TOPAZ1: variants seen among roughly 807,000 people sequenced by gnomAD.
TOPAZ1 encodes the protein protein TOPAZ1.
TOPAZ1 carries 66 observed loss-of-function variants against 172.2 expected under a neutral mutation model. The observed-to-expected ratio is 0.38, with a 90% CI of 0.31 to 0.47. TOPAZ1 has a LOEUF of 0.47. Among genes scored for constraint, TOPAZ1 ranks in the 20% least tolerant of loss-of-function variants. TOPAZ1 has a pLI of 0.99. For synonymous variants in TOPAZ1, 681 were observed against 683.9 expected, an observed-to-expected ratio of 1.00 and a Z score of 0.07; for missense variants, 1,822 against 1,972.4, an observed-to-expected ratio of 0.92 and a Z score of 1.44.
intron 5 of TOPAZ1, among the ~76,000 whole-genome samples, chr3:44,262,792 A>G (rs1236822451): frequency 6.6e-6 from 1 of 152,242 alleles, no homozygotes; most frequent in Non-Finnish European, 1.5e-5. Context: ...TCAGATTCAC[A>G]TTGCAGTTTG....
chr3:44,299,562 G>A (rs1327631857), intron 12 of TOPAZ1, among the ~76,000 whole-genome samples: 1 of 152,020 alleles, frequency 6.6e-6, no homozygotes, highest in African/African-American at 2.4e-5. Flanking sequence ...CAGGGATCTA[G>A]AACTAGAAAT....
intron 16 of TOPAZ1, among the ~76,000 whole-genome samples, chr3:44,316,956 G>A (rs1700457051): frequency 6.6e-6 from 1 of 151,916 alleles, no homozygotes; most frequent in Non-Finnish European, 1.5e-5. Context: ...TATAATCTTA[G>A]AATATGTGAT....
At chr3:44,328,456 G>C (rs1700627229) in intron 19 of TOPAZ1, 23 bp downstream of exon 19, 1 of 1,456,022 alleles carries the variant, frequency 6.9e-7, no homozygotes, top group Non-Finnish European at 9.1e-7. Context: ...AACTTTAACT[G>C]CATTCTGAAT....
downstream of TOPAZ1, among the ~76,000 whole-genome samples, chr3:44,335,912 A>C (rs1402312670): frequency 2.0e-5 from 3 of 152,318 alleles, no homozygotes; most frequent in East Asian, 5.8e-4. Context: ...TTACCCAAAA[A>C]TGACTGAAGC....
intron 16 of TOPAZ1, among the ~76,000 whole-genome samples, chr3:44,317,415 G>A (rs959897358): frequency 2.0e-5 from 3 of 151,642 alleles, no homozygotes; most frequent in East Asian, 1.9e-4. Context: ...AGCAAGACTC[G>A]GTCTCAAAAA....
At chr3:44,302,548 A>G (rs1221814240) in intron 12 of TOPAZ1, among the ~76,000 whole-genome samples, 1 of 152,172 alleles carries the variant, frequency 6.6e-6, no homozygotes, top group Non-Finnish European at 1.5e-5. Context: ...CTGTTTGCCT[A>G]TTCCTGCACT....
At chr3:44,307,512 T>C (rs979986233) in intron 15 of TOPAZ1, among the ~76,000 whole-genome samples, 6 of 152,044 alleles carry the variant, frequency 3.9e-5, no homozygotes, top group Non-Finnish European at 8.8e-5. Flanking sequence ...ATTCCTGAGG[T>C]GGCAGGTGGA....
intron 8 of TOPAZ1, among the ~76,000 whole-genome samples, chr3:44,277,522 A>G (rs1178971991): frequency 6.6e-6 from 1 of 152,110 alleles, no homozygotes; most frequent in African/African-American, 2.4e-5. Flanking sequence ...TTCTGGTACT[A>G]TGTTGAATAG....
intron 18 of TOPAZ1, among the ~76,000 whole-genome samples, chr3:44,326,824 T>C (rs1439304298): frequency 6.6e-6 from 1 of 152,184 alleles, no homozygotes; most frequent in Non-Finnish European, 1.5e-5. Context: ...CAAAATCAAA[T>C]GTGAGTATTT....
At chr3:44,305,589 C>T (rs1700328046) in intron 14 of TOPAZ1, among the ~76,000 whole-genome samples, 1 of 151,974 alleles carries the variant, frequency 6.6e-6, no homozygotes, top group Non-Finnish European at 1.5e-5. Context: ...AGGCTAGTCT[C>T]GAACTCTTGT....
At chr3:44,321,856 T>C (rs1027204145) in intron 17 of TOPAZ1, among the ~76,000 whole-genome samples, 5 of 152,232 alleles carry the variant, frequency 3.3e-5, no homozygotes, top group Admixed American at 2.0e-4. Flanking sequence ...TGGTACTATT[T>C]TCTTTACCTT....
intron 13 of TOPAZ1, 126 bp downstream of exon 13, chr3:44,304,207 G>T (rs1700309580): frequency 1.9e-6 from 1 of 516,088 alleles, no homozygotes; most frequent in Non-Finnish European, 3.4e-6. Context: ...CAGAGAAAAT[G>T]CTCAAGGAAA....
intron 12 of TOPAZ1, among the ~76,000 whole-genome samples, chr3:44,298,909 A>ATATATATTTTTTT (rs1287571186): frequency 4.8e-5 from 2 of 41,312 alleles, no homozygotes; most frequent in East Asian, 4.5e-3. Context: ...ATATATATAT[A>ATATATATTTTTTT]TTTTTTTTTT....
At chr3:44,322,187 G>A (rs906371942) in intron 17 of TOPAZ1, among the ~76,000 whole-genome samples, 2 of 152,194 alleles carry the variant, frequency 1.3e-5, no homozygotes, top group African/African-American at 4.8e-5. Flanking sequence ...AGGAACTACA[G>A]TCTAGCTCAC....
Position 44,242,298 on chromosome 3 carries a change from T to TGGAGGGGC in TOPAZ1, c.247_254dup (p.Pro88AlafsTer5). ...GCTGGAAAGGCCGCAAGGCGTCAGG[T>TGGAGGGGC]GGAGGGGCGCAGGGGCCCGGTGAGC... On this transcript the variant is annotated frameshift_variant, in exon 1 of 20. Transcript: ENST00000309765. LOFTEE classifies it high-confidence loss of function. 6.4e-7 allele frequency: 1 copy of TGGAGGGGC among 1,551,182 alleles called. No homozygotes were observed. Among genetic ancestry groups the TGGAGGGGC allele is most frequent in the East Asian group, 2.4e-5 (1 of 40,850 alleles).
intron 12 of TOPAZ1, among the ~76,000 whole-genome samples, chr3:44,294,001 GAGGCTGAGGC>G (rs945152068): frequency 2.0e-5 from 3 of 152,204 alleles, no homozygotes; most frequent in African/African-American, 2.4e-5. Context: ...AGTACTTTGG[GAGGCTGAGGC>G]AGGTGGATCA....
chr3:44,311,340 T>C (rs996627322), intron 16 of TOPAZ1, among the ~76,000 whole-genome samples: 3 of 152,108 alleles, frequency 2.0e-5, no homozygotes, highest in South Asian at 4.1e-4. Context: ...TAATGAAATA[T>C]AAGCCAGAGC....
intron 6 of TOPAZ1, among the ~76,000 whole-genome samples, chr3:44,268,903 T>C (rs1699862609): frequency 6.6e-6 from 1 of 152,228 alleles, no homozygotes; most frequent in South Asian, 2.1e-4. Context: ...TGTATAATAT[T>C]TGTCTATTTA....
At chr3:44,274,051 G>A (rs897165580) in intron 8 of TOPAZ1, among the ~76,000 whole-genome samples, 4 of 151,724 alleles carry the variant, frequency 2.6e-5, no homozygotes, top group African/African-American at 4.8e-5. Context: ...AGGCCCAGGC[G>A]GGTAGATCAC....
Sources: gnomAD v4.1 joint callset for allele counts (sites outside exome capture counted in the v4.1 genomes callset) on GRCh38, gnomAD v4.1.1 for gene constraint, MANE v1.5 for transcripts, NCBI Gene and HGNC (gene_info 2026-07-23, HGNC 2026-07-21) for gene names.